The following TXNRD1 variants were observed in gnomAD, a reference collection of about 807,000 sequenced individuals.
TXNRD1 encodes thioredoxin reductase 1.
A neutral mutation model predicts 80.3 loss-of-function variants in TXNRD1; 57 were observed. The observed-to-expected ratio is 0.71, with a 90% confidence interval of 0.57 to 0.89. TXNRD1 has a LOEUF of 0.89. Ranked by LOEUF, TXNRD1 falls within the 40% of genes least tolerant of loss-of-function variation. The probability of loss-of-function intolerance (pLI) is 0.00; values close to 1 mark genes in which losing one functional copy is unlikely to be tolerated. For synonymous variants in TXNRD1, 291 were observed against 285.2 expected (o/e 1.02, Z -0.20); for missense variants, 730 against 803.0 (o/e 0.91, Z 1.10).
chr12:104,319,661 C>T, intron 9 of TXNRD1, 76 bp downstream of exon 9: 9 of 1,087,974 alleles, frequency 8.3e-6, no homozygotes, highest in East Asian at 2.6e-5. Flanking sequence ...AAACCCACTG[C>T]GTCAATTTCT....
At chr12:104,235,593 T>C (rs1279431486) in intron 1 of TXNRD1, among the ~76,000 whole-genome samples, 2 of 152,200 alleles carry the variant, frequency 1.3e-5, no homozygotes, top group Non-Finnish European at 2.9e-5. Context: ...GGATCATTGT[T>C]TATATTCTCT....
rs142238051 is a variant in TXNRD1 at position 104,269,567 on chromosome 12, T to A, written c.304+11488T>A. ...GGCACATGCTACCACACCTAGCTAA[T>A]TTTTGTTGTTGTTGTTGTTGAGATG... On this transcript the variant is annotated intron_variant, in intron 3 of 16. Coordinates refer to ENST00000525566, the MANE Select transcript of TXNRD1 (RefSeq NM_001093771.3). Among the ~76,000 whole-genome samples the A allele has an allele frequency of 2.0e-3, 305 of 151,924 alleles. 1 individual carries two copies. The highest frequency in any genetic ancestry group is 3.3e-3 in the Non-Finnish European group (222 of 67,928).
chr12:104,252,660 T>TATATA (rs1182730147), intron 2 of TXNRD1, among the ~76,000 whole-genome samples: 1 of 53,210 alleles, frequency 1.9e-5, no homozygotes, highest in African/African-American at 1.1e-4. Context: ...ATTTATTATT[T>TATATA]TTTATATATA....
chr12:104,285,815 TC>T (rs1434126497), intron 3 of TXNRD1, among the ~76,000 whole-genome samples: 1 of 152,220 alleles, frequency 6.6e-6, no homozygotes, highest in African/African-American at 2.4e-5. Flanking sequence ...TTCATGTTTT[TC>T]CTTCTTTCCT....
chr12:104,319,456 T>G lies in TXNRD1; in HGVS notation c.874-14T>G. 2.7e-6 allele frequency: 4 copies of G among 1,506,794 alleles called. No homozygotes were observed. Among genetic ancestry groups the G allele is most frequent in the Non-Finnish European group, 3.6e-6 (4 of 1,104,674 alleles). 93.3% of individuals were successfully genotyped at this position (1,506,794 alleles called of 1,614,324 possible). On this transcript the variant is annotated splice_polypyrimidine_tract_variant and intron_variant, in intron 8 of 16. Transcript: ENST00000525566. Reference sequence around the variant, plus strand: ...TGATTACTTAATAAGGTTTTCATATTGGTTCCTTTGTAGGCAACAAATAAT... The same window carrying G: ...TGATTACTTAATAAGGTTTTCATATGGGTTCCTTTGTAGGCAACAAATAAT...
intron 16 of TXNRD1, among the ~76,000 whole-genome samples, chr12:104,345,631 G>A (rs891960320): frequency 1.3e-4 from 3 of 22,966 alleles, no homozygotes; most frequent in East Asian, 2.1e-3. Context: ...AGTAGGAAAC[G>A]GATTACACAT....
chr12:104,317,231 A>G (rs924601040), intron 7 of TXNRD1, among the ~76,000 whole-genome samples: 1 of 152,196 alleles, frequency 6.6e-6, no homozygotes, highest in Non-Finnish European at 1.5e-5. Context: ...GCAGAGAAAC[A>G]GCAAGTCCTG....
intron 1 of TXNRD1, among the ~76,000 whole-genome samples, chr12:104,220,250 T>G (rs1224525304): frequency 6.6e-6 from 1 of 152,170 alleles, no homozygotes; most frequent in Non-Finnish European, 1.5e-5. Flanking sequence ...TCATGCAATC[T>G]GCAATCAGAA....
intron 4 of TXNRD1, among the ~76,000 whole-genome samples, chr12:104,293,599 C>T (rs539140284): frequency 6.6e-6 from 1 of 152,292 alleles, no homozygotes; most frequent in Admixed American, 6.5e-5. Flanking sequence ...TACAAGCGCA[C>T]ACCACCTCAC....
intron 7 of TXNRD1, among the ~76,000 whole-genome samples, chr12:104,316,325 A>AGCCT (rs199655148): frequency 0.012 from 1,877 of 152,164 alleles, 30 homozygotes; most frequent in Non-Finnish European, 0.02. Context: ...TGTTGGATTA[A>AGCCT]AACTATTTAG....
intron 16 of TXNRD1, among the ~76,000 whole-genome samples, chr12:104,347,060 A>G (rs1412799963): frequency 1.3e-5 from 2 of 152,146 alleles, no homozygotes; most frequent in Admixed American, 6.6e-5. Context: ...GTGCCGCTGC[A>G]CTCCAGCCTG....
At chr12:104,294,685 G>T (rs898112125) in intron 4 of TXNRD1, among the ~76,000 whole-genome samples, 2 of 152,128 alleles carry the variant, frequency 1.3e-5, no homozygotes, top group African/African-American at 4.8e-5. Context: ...GTCCAGGCTG[G>T]TCTCAAAACT....
chr12:104,328,788 T>C (rs2035856822), intron 13 of TXNRD1, among the ~76,000 whole-genome samples: 1 of 149,840 alleles, frequency 6.7e-6, no homozygotes, highest in Non-Finnish European at 1.5e-5. Flanking sequence ...AAGGAAAATA[T>C]CTGTTTTAGG....
rs2033380641 is a variant in TXNRD1, at chr12:104,262,140, G to GT, written c.304+4061_304+4062insT. 2.7e-5 allele frequency among the ~76,000 whole-genome samples: 4 copies of GT among 149,834 alleles called. No individual in the cohort carries two copies. The South Asian group carries it at 8.8e-4, about 33-fold the overall frequency. On this transcript the variant is annotated intron_variant, in intron 3 of 16. Coordinates refer to ENST00000525566, the MANE Select transcript of TXNRD1 (RefSeq NM_001093771.3). The stretch of plus-strand genomic sequence containing the variant: ...CCAGCGACTCAGGAGGCTGAGGCAG[G>GT]AGAATTGCTTGAACGCAGGAGGCGG...
chr12:104,334,225 G>T lies in TXNRD1; in HGVS notation c.1651-12G>T. Reference sequence around the variant, plus strand: ...AATAATGGGTCTAAATTTTGCTTTTGTATCTTCTTAGGTTTACCATAGTTA... The same window carrying T: ...AATAATGGGTCTAAATTTTGCTTTTTTATCTTCTTAGGTTTACCATAGTTA... On this transcript the variant is annotated splice_polypyrimidine_tract_variant and intron_variant, in intron 14 of 16. Coordinates refer to ENST00000525566, the MANE Select transcript of TXNRD1 (RefSeq NM_001093771.3). The T allele has an allele frequency of 6.8e-7, 1 of 1,470,738 alleles. No individual in the cohort carries two copies. The allele number at this position is 1,470,738 out of a possible 1,614,324, so 91.1% of individuals were successfully genotyped here. A position where few individuals can be genotyped will look rare whatever the true frequency, so the allele number is the denominator to read the frequency against.
chr12:104,267,314 A>G (rs1243176885), intron 3 of TXNRD1, among the ~76,000 whole-genome samples: 2 of 34,440 alleles, frequency 5.8e-5, no homozygotes, highest in Non-Finnish European at 1.0e-4. Context: ...GTCTTGCTCT[A>G]TTGCCCAGGC....
At chr12:104,303,788 A>C (rs1240267522) in intron 4 of TXNRD1, 1 of 1,281,114 alleles carries the variant, frequency 7.8e-7, no homozygotes, top group African/African-American at 1.5e-5. Flanking sequence ...ACACGCTGGG[A>C]GGGCCGTTAC....
At chr12:104,311,041 G>GAGGT (rs2035114999) in intron 4 of TXNRD1, among the ~76,000 whole-genome samples, 2 of 152,202 alleles carry the variant, frequency 1.3e-5, no homozygotes, top group African/African-American at 2.4e-5. Context: ...GTTTACTTAT[G>GAGGT]TAGAGGTACT....
chr12:104,230,123 G>A (rs2032582282), intron 1 of TXNRD1, among the ~76,000 whole-genome samples: 1 of 151,846 alleles, frequency 6.6e-6, no homozygotes, highest in African/African-American at 2.4e-5. Context: ...AGGCTGGAGT[G>A]CAGTGGTGTG....
Sources: allele counts gnomAD v4.1 joint callset (sites outside exome capture counted in the v4.1 genomes callset), GRCh38; gene constraint gnomAD v4.1.1; transcripts MANE v1.5; gene names NCBI Gene and HGNC (gene_info 2026-07-23, HGNC 2026-07-21).